CEP112: variants seen among roughly 807,000 people sequenced by gnomAD.
CEP112 encodes centrosomal protein 112.
In CEP112, 127 loss-of-function variants were observed where a neutral mutation model predicts 153.0. The ratio of observed to expected loss-of-function variants is 0.83; its 90% CI spans 0.72 to 0.96. CEP112 has a LOEUF of 0.96. Ranked by LOEUF, CEP112 falls within the 40% of genes least tolerant of loss-of-function variation. CEP112 has a pLI of 0.00. For missense variants in CEP112, 1,089 were observed against 1,101.2 expected (o/e 0.99, Z 0.16); for synonymous variants, 358 against 374.4 (o/e 0.96, Z 0.51).
At chr17:65,693,167 C>T (rs575856240) in intron 23 of CEP112, among the ~76,000 whole-genome samples, 1 of 152,202 alleles carries the variant, frequency 6.6e-6, no homozygotes, top group East Asian at 1.9e-4. Flanking sequence ...AGTTGTTCCC[C>T]ACTTCCTGGC....
intron 17 of CEP112, among the ~76,000 whole-genome samples, chr17:65,979,654 T>C (rs1426987721): frequency 6.6e-6 from 1 of 152,216 alleles, no homozygotes; most frequent in Non-Finnish European, 1.5e-5. Context: ...TAAATTCTTG[T>C]TATTGCCTTC....
chr17:66,167,002 A>G (rs910846733), intron 4 of CEP112, among the ~76,000 whole-genome samples: 8 of 151,738 alleles, frequency 5.3e-5, no homozygotes, highest in African/African-American at 1.9e-4. Flanking sequence ...TGTTCCTTCT[A>G]TCCTTGAAAA....
rs80071180 is a variant in CEP112, at chr17:65,657,035, G to A, written c.2698-15970C>T. Among the ~76,000 whole-genome samples, 1,391 of 152,246 alleles carry A rather than the reference G, an allele frequency of 9.1e-3. 14 individuals carry two copies. The highest frequency in any genetic ancestry group is 0.042 in the East Asian group (216 of 5,174). On this transcript the variant is annotated intron_variant, in intron 24 of 26. Transcript: ENST00000535342. ...GGCTGGCTTCAAAGCTGAGAAAGTC[G>A]GAGGCAAACACCAGGGCCTACGGGG...
chr17:65,808,124 T>C (rs1471697774), intron 21 of CEP112, among the ~76,000 whole-genome samples: 2 of 152,232 alleles, frequency 1.3e-5, no homozygotes, highest in Non-Finnish European at 2.9e-5. Flanking sequence ...ATATGAGACA[T>C]GGATTCAAAG....
intron 4 of CEP112, among the ~76,000 whole-genome samples, chr17:66,164,311 A>G (rs1239433067): frequency 1.3e-5 from 2 of 152,078 alleles, no homozygotes; most frequent in African/African-American, 4.8e-5. Flanking sequence ...TAATCCCAGC[A>G]CTTTGGGAGG....
intron 2 of CEP112, among the ~76,000 whole-genome samples, chr17:66,177,769 T>C (rs1203350612): frequency 1.3e-5 from 2 of 151,754 alleles, no homozygotes; most frequent in African/African-American, 2.4e-5. Context: ...ATGAGTTCAG[T>C]TGTCTTAATT....
chr17:66,155,604 T>C (rs928203834), intron 4 of CEP112, among the ~76,000 whole-genome samples: 26 of 152,064 alleles, frequency 1.7e-4, no homozygotes, highest in African/African-American at 5.3e-4. Context: ...TCTAGTTCAC[T>C]GGATCCCACC....
intron 19 of CEP112, among the ~76,000 whole-genome samples, chr17:65,923,563 A>G (rs2060810894): frequency 1.3e-5 from 2 of 152,164 alleles, no homozygotes; most frequent in Non-Finnish European, 2.9e-5. Context: ...AATATATATA[A>G]TATAAATGCT....
At chr17:65,979,434 C>CT (rs2063152324) in intron 17 of CEP112, among the ~76,000 whole-genome samples, 2 of 151,916 alleles carry the variant, frequency 1.3e-5, no homozygotes, top group South Asian at 4.1e-4. Flanking sequence ...AAGATAGAGT[C>CT]TCACTATGTT....
intron 24 of CEP112, among the ~76,000 whole-genome samples, chr17:65,646,016 G>T (rs58506065): frequency 6.6e-6 from 1 of 152,056 alleles, no homozygotes; most frequent in Admixed American, 6.5e-5. Flanking sequence ...TGGAGGTCAC[G>T]GCCAAGTACT....
At chr17:65,925,966 C>T (rs2060907279) in intron 19 of CEP112, among the ~76,000 whole-genome samples, 2 of 152,096 alleles carry the variant, frequency 1.3e-5, no homozygotes, top group African/African-American at 4.8e-5. Flanking sequence ...TTTACCAAAG[C>T]AAAACCAAGC....
intron 21 of CEP112, among the ~76,000 whole-genome samples, chr17:65,840,917 A>T (rs1349425926): frequency 6.6e-6 from 1 of 152,108 alleles, no homozygotes; most frequent in African/African-American, 2.4e-5. Flanking sequence ...CCATATCACT[A>T]ATCATCAGAG....
chr17:65,739,927 C>T (rs2051028982), intron 23 of CEP112, among the ~76,000 whole-genome samples: 1 of 152,074 alleles, frequency 6.6e-6, no homozygotes, highest in Non-Finnish European at 1.5e-5. Flanking sequence ...TAGCTTTTCC[C>T]TTTTTACCAA....
At chr17:65,971,150 A>G (rs1401510280) in intron 17 of CEP112, among the ~76,000 whole-genome samples, 1 of 152,136 alleles carries the variant, frequency 6.6e-6, no homozygotes, top group Non-Finnish European at 1.5e-5. Flanking sequence ...TGTGCACATG[A>G]TACATGTACA....
intron 6 of CEP112, among the ~76,000 whole-genome samples, chr17:66,123,625 C>T (rs1458262925): frequency 6.6e-6 from 1 of 152,214 alleles, no homozygotes; most frequent in Non-Finnish European, 1.5e-5. Context: ...GCTCCTCATG[C>T]TACCATTCTA....
At chr17:65,692,602 C>T (rs1029378063) in intron 23 of CEP112, among the ~76,000 whole-genome samples, 1 of 152,188 alleles carries the variant, frequency 6.6e-6, no homozygotes, top group Non-Finnish European at 1.5e-5. Flanking sequence ...CTCTTTCCCA[C>T]TCTGTACTGA....
intron 23 of CEP112, among the ~76,000 whole-genome samples, chr17:65,700,218 T>G (rs1387249508): frequency 6.6e-6 from 1 of 152,156 alleles, no homozygotes. Context: ...CTTCCGTAAG[T>G]TAATGGAAGT....
chr17:65,708,592 C>T (rs551351002), intron 23 of CEP112, among the ~76,000 whole-genome samples: 1 of 152,182 alleles, frequency 6.6e-6, no homozygotes, highest in East Asian at 1.9e-4. Context: ...TTCCTTTAAT[C>T]CTGCTTAGTG....
At chr17:65,799,611 A>G (rs1292155581) in intron 21 of CEP112, among the ~76,000 whole-genome samples, 1 of 152,232 alleles carries the variant, frequency 6.6e-6, no homozygotes, top group Non-Finnish European at 1.5e-5. Context: ...ATAGTCAAAG[A>G]GCACTGCTGC....
Sources: allele counts gnomAD v4.1 joint callset (sites outside exome capture counted in the v4.1 genomes callset), GRCh38; gene constraint gnomAD v4.1.1; transcripts MANE v1.5; gene names NCBI Gene and HGNC (gene_info 2026-07-23, HGNC 2026-07-21).